Variants in UBE4B observed in about 807,000 individuals in gnomAD.
UBE4B encodes ubiquitination factor E4B.
A neutral mutation model predicts 148.1 loss-of-function variants in UBE4B; 27 were observed. The observed-to-expected ratio is 0.18, with a 90% CI of 0.13 to 0.25. The LOEUF is 0.25. Among genes scored for constraint, UBE4B ranks in the 10% least tolerant of loss-of-function variants. The pLI, the probability that UBE4B is intolerant of heterozygous loss-of-function variation, is 1.00. For missense variants in UBE4B, 1,170 were observed against 1,662.4 expected (o/e 0.70, Z 5.15); for synonymous variants, 596 against 619.3 (o/e 0.96, Z 0.56).
chr1:10,053,293 C>T (rs1031819879), intron 1 of UBE4B, among the ~76,000 whole-genome samples: 1 of 151,552 alleles, frequency 6.6e-6, no homozygotes, highest in African/African-American at 2.4e-5. Flanking sequence ...GGACTACAGG[C>T]ATGCACCACC....
chr1:10,171,430 G>A, intron 25 of UBE4B, 101 bp downstream of exon 25: 1 of 1,409,668 alleles, frequency 7.1e-7, no homozygotes, highest in East Asian at 2.3e-5. Flanking sequence ...AAGATGAGTG[G>A]GTTGTTTTCC....
At chr1:10,061,431 T>C (rs1169799249) in intron 1 of UBE4B, among the ~76,000 whole-genome samples, 1 of 152,056 alleles carries the variant, frequency 6.6e-6, no homozygotes, top group Non-Finnish European at 1.5e-5. Context: ...ATCTTTTATA[T>C]TTTTTATTAG....
rs181078425 is a variant in UBE4B at position 10,168,808 on chromosome 1, C to T, written c.3333+538C>T. On this transcript the variant is annotated intron_variant, in intron 24 of 27. Transcript: ENST00000343090. The surrounding 1 kb of genome is among the most constrained non-coding windows in gnomAD (Gnocchi z 4.9). ...TCAGGAGGCTGAGGCAGGAGAATGG[C>T]GTGAACCCGGGAGGCAGAGCTGGCA... Among the ~76,000 whole-genome samples the T allele has an allele frequency of 2.8e-4, 42 of 150,640 alleles. No individual in the cohort carries two copies. Among genetic ancestry groups the T allele is most frequent in the African/African-American group, 9.8e-4 (40 of 40,970 alleles).
At chr1:10,068,903 A>G (rs1039885504) in intron 1 of UBE4B, among the ~76,000 whole-genome samples, 1 of 152,186 alleles carries the variant, frequency 6.6e-6, no homozygotes, top group African/African-American at 2.4e-5. Context: ...GGCTCTTCCT[A>G]AATTTTCCAG....
intron 1 of UBE4B, among the ~76,000 whole-genome samples, chr1:10,063,145 G>A (rs1243402922): frequency 6.6e-6 from 1 of 152,140 alleles, no homozygotes; most frequent in Non-Finnish European, 1.5e-5. Context: ...GCGCATGCCT[G>A]TAGTCCCAGC....
intron 21 of UBE4B, 95 bp from the exon 22 acceptor site, chr1:10,158,261 G>T (rs866296028): frequency 3.4e-6 from 5 of 1,468,412 alleles, no homozygotes; most frequent in Middle Eastern, 1.9e-4. Flanking sequence ...TGATTTTGCA[G>T]GTTTACATTC....
At chr1:10,129,177 T>C (rs1357558813) in intron 11 of UBE4B, 1 of 481,240 alleles carries the variant, frequency 2.1e-6, no homozygotes, top group African/African-American at 1.9e-5. Context: ...TTAGTTTCAT[T>C]TTATATTTCT....
At chr1:10,111,918 C>G (rs962465489) in intron 7 of UBE4B, among the ~76,000 whole-genome samples, 1 of 151,492 alleles carries the variant, frequency 6.6e-6, no homozygotes, top group Non-Finnish European at 1.5e-5. Context: ...GATCACACCA[C>G]TGCACTCCAG....
At chr1:10,157,713 G>A (rs1646096784) in intron 21 of UBE4B, among the ~76,000 whole-genome samples, 1 of 152,150 alleles carries the variant, frequency 6.6e-6, no homozygotes, top group South Asian at 2.1e-4. Flanking sequence ...CGAGGCAGAG[G>A]TTGCAGTGAG....
In UBE4B at chr1:10,171,140, G is replaced by A. The variant is rs2102031427; in HGVS notation, c.3336G>A (p.Glu1112=). 2.5e-6 allele frequency: 4 copies of A among 1,613,662 alleles called. No homozygotes were observed. Among genetic ancestry groups the A allele is most frequent in the Non-Finnish European group, 3.4e-6 (4 of 1,179,770 alleles). The part of the protein sequence containing the change: ...KQVQKPFLRP[E]LGPRLAAMLN... ...CCTATTATCCTGTGATTTCCTAGGA[G>A]CTTGGACCCCGATTGGCTGCAATGC... Residue 1112 remains glutamate, a splice_region_variant and synonymous_variant, in exon 25 of 28, where the codon GAG becomes GAA. Transcript: ENST00000343090.
chr1:10,139,315 C>T (rs1162731368), intron 17 of UBE4B, among the ~76,000 whole-genome samples: 10 of 151,866 alleles, frequency 6.6e-5, no homozygotes, highest in South Asian at 2.1e-4. Flanking sequence ...CGCTTGAACC[C>T]GGGAGGCGGA....
chr1:10,160,810 G>T (rs1191005709), intron 22 of UBE4B, among the ~76,000 whole-genome samples: 1 of 152,138 alleles, frequency 6.6e-6, no homozygotes, highest in East Asian at 1.9e-4. Flanking sequence ...GGGCGTGGTG[G>T]TGTGTGCCTG....
chr1:10,060,152 A>G (rs1021256743), intron 1 of UBE4B, among the ~76,000 whole-genome samples: 1 of 152,140 alleles, frequency 6.6e-6, no homozygotes, highest in Non-Finnish European at 1.5e-5. Flanking sequence ...AAAACAAGCA[A>G]CTACAGTCAT....
chr1:10,137,122 C>G lies in UBE4B; in HGVS notation c.2280C>G (p.Leu760=). 6.2e-7 allele frequency: 1 copy of G among 1,614,178 alleles called. No individual in the cohort carries two copies. The highest frequency in any genetic ancestry group is 8.5e-7 in the Non-Finnish European group (1 of 1,180,040). ...AATTCCCTACGGAGTGCTTCTTTCT[C>G]ACCCTGCATGCTCACCACCTCTCTA... ...EPKFPTECFF[L]TLHAHHLSIL... is the part of the protein sequence containing the mutation. The change falls in exon 17 of 28, where the codon CTC becomes CTG. Residue 760 remains leucine (L), a synonymous_variant. Coordinates refer to ENST00000343090, the MANE Select transcript of UBE4B (RefSeq NM_001105562.3).
rs552635882 is a variant in UBE4B, at chr1:10,043,299, G to A, written c.24+9605G>A. On this transcript the variant is annotated intron_variant, in intron 1 of 27. Transcript: ENST00000343090. ...GCCGGGATTACAGGTGTGAGCCACC[G>A]CACCCGGCCAACTTTCAGTAAAAAC... Among the ~76,000 whole-genome samples the A allele has an allele frequency of 4.0e-5, 6 of 151,634 alleles. No individual in the cohort carries two copies. The East Asian group carries it at 7.8e-4, about 20-fold the overall frequency.
At chr1:10,147,206 CT>C (rs1287327836) in intron 19 of UBE4B, 116 bp downstream of exon 19, 2 of 1,499,224 alleles carry the variant, frequency 1.3e-6, no homozygotes, top group East Asian at 4.6e-5. Context: ...GAATTCACTT[CT>C]CTGCAAGGCG....
rs1278699102 is a variant in UBE4B, at chr1:10,062,133, T to A, written c.25-9895T>A. Among the ~76,000 whole-genome samples the A allele has an allele frequency of 2.6e-5, 4 of 151,758 alleles. No individual in the cohort carries two copies. In the South Asian group the frequency reaches 8.3e-4, roughly 32 times the overall value. ...CCATGTTGGCCAGGATGGTCTCGATTTCTTGACCTCGTGATCCACCCACCT... is the reference window on the plus strand; with the variant it reads ...CCATGTTGGCCAGGATGGTCTCGATATCTTGACCTCGTGATCCACCCACCT... On this transcript the variant is annotated intron_variant, in intron 1 of 27. Transcript: ENST00000343090.
chr1:10,061,464 C>T (rs554560519), intron 1 of UBE4B, among the ~76,000 whole-genome samples: 1 of 152,220 alleles, frequency 6.6e-6, no homozygotes, highest in South Asian at 2.1e-4. Context: ...ACCATCTTGA[C>T]CAGACTAGTC....
At chr1:10,114,268 C>T (rs1645270446) in intron 7 of UBE4B, among the ~76,000 whole-genome samples, 1 of 152,124 alleles carries the variant, frequency 6.6e-6, no homozygotes, top group Non-Finnish European at 1.5e-5. Context: ...CCTGTTTTAG[C>T]AAAGTTCATC....
Sources: allele counts gnomAD v4.1 joint callset (sites outside exome capture counted in the v4.1 genomes callset), GRCh38; gene constraint gnomAD v4.1.1; non-coding constraint Gnocchi (gnomAD v3.1); transcripts MANE v1.5; gene names NCBI Gene and HGNC (gene_info 2026-07-23, HGNC 2026-07-21).